The following CNOT6L variants were observed in gnomAD, a reference collection of about 807,000 sequenced individuals.
CNOT6L encodes CCR4-NOT transcription complex subunit 6-like.
A neutral mutation model predicts 64.0 loss-of-function variants in CNOT6L; 7 were observed. The ratio of observed to expected loss-of-function variants is 0.11; its 90% CI spans 0.06 to 0.21. The LOEUF (loss-of-function observed/expected upper bound fraction) is 0.21, where lower values mean the gene tolerates loss of function less well. Among genes scored for constraint, CNOT6L ranks in the 10% least tolerant of loss-of-function variants. The probability of loss-of-function intolerance (pLI) is 1.00; values close to 1 mark genes in which losing one functional copy is unlikely to be tolerated. For synonymous variants in CNOT6L, 193 were observed against 243.4 expected, an observed-to-expected ratio of 0.79 and a Z score of 1.93; for missense variants, 245 against 669.0, an observed-to-expected ratio of 0.37 and a Z score of 6.99.
chr4:77,732,266 T>C (rs926018755), intron 8 of CNOT6L, among the ~76,000 whole-genome samples: 6 of 152,128 alleles, frequency 3.9e-5, no homozygotes, highest in Admixed American at 3.9e-4. Flanking sequence ...TTAAGCATTG[T>C]AGAGTTGTAG....
chr4:77,717,832 G>GT lies in CNOT6L; in HGVS notation c.*2598dup, dbSNP rs937361234. 3 of 152,514 alleles carry GT rather than the reference G, an allele frequency of 2.0e-5. No individual in the cohort carries two copies. The highest frequency in any genetic ancestry group is 1.3e-4 in the Admixed American group (2 of 15,250). 9.4% of individuals were successfully genotyped at this position (152,514 alleles called of 1,614,324 possible). A position where few individuals can be genotyped will look rare whatever the true frequency, so the allele number is the denominator to read the frequency against. ...TGAAATTTGGGTTACCATGCCCCAA[G>GT]TGTGTACCACCCAAAACATAACACA... On this transcript the variant is annotated 3_prime_UTR_variant, in exon 12 of 12. Transcript: ENST00000504123.
At chr4:77,742,797 G>A (rs978458974) in intron 7 of CNOT6L, among the ~76,000 whole-genome samples, 5 of 152,092 alleles carry the variant, frequency 3.3e-5, no homozygotes, top group East Asian at 3.9e-4. Flanking sequence ...TACCTAAATC[G>A]CAATCATCCA....
In CNOT6L at chr4:77,755,223, GTTTTTTTTTTTTTTTT is replaced by G. The variant is rs869054667; in HGVS notation, c.490+1623_490+1638del. Among the ~76,000 whole-genome samples, 3 of 70,434 alleles carry G rather than the reference GTTTTTTTTTTTTTTTT, an allele frequency of 4.3e-5. No homozygotes were observed. The South Asian group carries it at 2.2e-3, about 52-fold the overall frequency. The allele number at this position is 70,434 out of a possible 152,430, so 46.2% of individuals were successfully genotyped here. A position where few individuals can be genotyped will look rare whatever the true frequency, so the allele number is the denominator to read the frequency against. On this transcript the variant is annotated intron_variant, in intron 5 of 11. Transcript: ENST00000504123. The stretch of plus-strand genomic sequence containing the variant: ...ACTGGCTACATCTATAGAGACAAGA[GTTTTTTTTTTTTTTTT>G]TTTTTTTTTTTTTTTTTTTGAGACG...
At chr4:77,791,574 G>A (rs934056174) in intron 1 of CNOT6L, among the ~76,000 whole-genome samples, 2 of 152,032 alleles carry the variant, frequency 1.3e-5, no homozygotes, top group African/African-American at 4.8e-5. Flanking sequence ...AACATTTATG[G>A]TTTTTTGTAA....
chr4:77,767,513 AG>A (rs1356054529), intron 4 of CNOT6L, among the ~76,000 whole-genome samples: 15 of 152,354 alleles, frequency 9.8e-5, no homozygotes, highest in Admixed American at 2.0e-4. Flanking sequence ...GGAAAGGAAA[AG>A]AAATTCCCAA....
chr4:77,794,880 T>C (rs752843004), intron 1 of CNOT6L, among the ~76,000 whole-genome samples: 8 of 152,198 alleles, frequency 5.3e-5, no homozygotes, highest in South Asian at 2.1e-4. Context: ...AAAAATCCTA[T>C]AGAATCTACA....
At chr4:77,797,960 C>G (rs906827235) in intron 1 of CNOT6L, among the ~76,000 whole-genome samples, 2 of 152,146 alleles carry the variant, frequency 1.3e-5, no homozygotes, top group Admixed American at 1.3e-4. Context: ...AACACCAAAA[C>G]AAAAGCATGA....
At chr4:77,774,745 A>T in intron 2 of CNOT6L, 29 bp from the exon 3 acceptor site, 1 of 1,449,992 alleles carries the variant, frequency 6.9e-7, no homozygotes, top group East Asian at 2.5e-5. Flanking sequence ...AAGTGTAAAA[A>T]AAAACCCCAG....
chr4:77,804,365 G>A (rs865820181), intron 1 of CNOT6L, among the ~76,000 whole-genome samples: 2 of 151,660 alleles, frequency 1.3e-5, no homozygotes, highest in Non-Finnish European at 2.9e-5. Flanking sequence ...GGAGGCGGAG[G>A]CTGTGGTGAA....
intron 1 of CNOT6L, among the ~76,000 whole-genome samples, chr4:77,800,683 A>G (rs1258770501): frequency 6.6e-6 from 1 of 152,242 alleles, no homozygotes; most frequent in Non-Finnish European, 1.5e-5. Context: ...TAGTATGACT[A>G]TTCTGAGAAG....
chr4:77,750,799 A>G (rs1314923971), intron 5 of CNOT6L, among the ~76,000 whole-genome samples: 1 of 152,228 alleles, frequency 6.6e-6, no homozygotes, highest in Non-Finnish European at 1.5e-5. Context: ...AGAGCTCAAG[A>G]GAGCCAACCT....
At chr4:77,752,085 G>A (rs939994920) in intron 5 of CNOT6L, among the ~76,000 whole-genome samples, 1 of 152,082 alleles carries the variant, frequency 6.6e-6, no homozygotes, top group Non-Finnish European at 1.5e-5. Flanking sequence ...AAGATAGGAG[G>A]ATCACTTCAG....
At chr4:77,764,738 T>C (rs1350680946) in intron 4 of CNOT6L, among the ~76,000 whole-genome samples, 1 of 152,198 alleles carries the variant, frequency 6.6e-6, no homozygotes, top group Non-Finnish European at 1.5e-5. Flanking sequence ...GCTCTCAACA[T>C]ACTGACGCTT....
At chr4:77,790,485 G>C (rs1730003473) in intron 1 of CNOT6L, among the ~76,000 whole-genome samples, 1 of 152,126 alleles carries the variant, frequency 6.6e-6, no homozygotes, top group African/African-American at 2.4e-5. Flanking sequence ...GTAAGAAACT[G>C]CCAAACTGTC....
chr4:77,754,888 T>TAAAAAAAAAAAAAAA lies in CNOT6L; in HGVS notation c.490+1959_490+1973dup. 3.8e-3 allele frequency among the ~76,000 whole-genome samples: 142 copies of TAAAAAAAAAAAAAAA among 36,930 alleles called. 25 individuals are homozygous for TAAAAAAAAAAAAAAA. The highest frequency in any genetic ancestry group is 4.7e-3 in the African/African-American group (42 of 9,028). 24.2% of individuals were successfully genotyped at this position (36,930 alleles called of 152,430 possible). ...AAAACCTAATTCTAAACATTAGAAG[T>TAAAAAAAAAAAAAAA]AAAAAAAAAAAAAAAAAAAAAAAAA... On this transcript the variant is annotated intron_variant, in intron 5 of 11. Transcript: ENST00000504123.
chr4:77,735,290 C>A (rs1458862474), intron 8 of CNOT6L, among the ~76,000 whole-genome samples: 1 of 152,154 alleles, frequency 6.6e-6, no homozygotes, highest in African/African-American at 2.4e-5. Context: ...TAATAAACTC[C>A]TGAACACCAA....
At chr4:77,754,910 A>AAAAAAAAAAAC (rs1725333906) in intron 5 of CNOT6L, among the ~76,000 whole-genome samples, 2 of 145,514 alleles carry the variant, frequency 1.4e-5, no homozygotes, top group Non-Finnish European at 3.0e-5. Flanking sequence ...AAAAAAAAAA[A>AAAAAAAAAAAC]AAACCGGTTT....
At chr4:77,783,921 TA>T (rs1260508754) in intron 1 of CNOT6L, among the ~76,000 whole-genome samples, 1 of 149,100 alleles carries the variant, frequency 6.7e-6, no homozygotes, top group African/African-American at 2.5e-5. Context: ...TTTAATATAT[TA>T]AATATATCTC....
chr4:77,784,500 A>T (rs984417261), intron 1 of CNOT6L, among the ~76,000 whole-genome samples: 19 of 144,744 alleles, frequency 1.3e-4, no homozygotes, highest in African/African-American at 2.5e-4. Context: ...AATATAATCT[A>T]TTTTTTTTTT....
Sources: allele counts gnomAD v4.1 joint callset (sites outside exome capture counted in the v4.1 genomes callset), GRCh38; gene constraint gnomAD v4.1.1; transcripts MANE v1.5; gene names NCBI Gene and HGNC (gene_info 2026-07-23, HGNC 2026-07-21).